MTDH: variants seen among roughly 807,000 people sequenced by gnomAD.
MTDH encodes protein LYRIC.
MTDH carries 34 observed loss-of-function variants against 72.7 expected under a neutral mutation model. The ratio of observed to expected loss-of-function variants is 0.47; its 90% CI spans 0.36 to 0.62. MTDH has a LOEUF of 0.62. MTDH is among the 20% of genes least tolerant of loss of function. The pLI, the probability that MTDH is intolerant of heterozygous loss-of-function variation, is 0.00. For missense variants in MTDH, 677 were observed against 699.4 expected, an observed-to-expected ratio of 0.97 and a Z score of 0.36; for synonymous variants, 266 against 268.9, an observed-to-expected ratio of 0.99 and a Z score of 0.10.
intron 7 of MTDH, among the ~76,000 whole-genome samples, chr8:97,701,229 G>C (rs1197845761): frequency 6.6e-6 from 1 of 152,066 alleles, no homozygotes; most frequent in Non-Finnish European, 1.5e-5. Flanking sequence ...ATCCATGGGG[G>C]GTTGATTCCA....
At position 97,691,703 on chromosome 8, in the gene MTDH, T is replaced by TTGTG. The variant is rs139784203; in HGVS notation, c.1048+531_1048+534dup. Among the ~76,000 whole-genome samples the TTGTG allele has an allele frequency of 1.6e-3, 233 of 149,730 alleles. 1 individual carries two copies. Among genetic ancestry groups the TTGTG allele is most frequent in the African/African-American group, 4.7e-3 (193 of 40,928 alleles). On this transcript the variant is annotated intron_variant, in intron 6 of 11. Coordinates refer to ENST00000336273, the MANE Select transcript of MTDH (RefSeq NM_178812.4). Reference sequence around the variant, plus strand: ...CAGCTTAATTTGTGTGTGTGTGTGTTTGTGTGTGTGTGTGTGTGTATTATA... The same window carrying TTGTG: ...CAGCTTAATTTGTGTGTGTGTGTGTTTGTGTGTGTGTGTGTGTGTGTGTATTATA...
chr8:97,724,400 C>G (rs567612750), intron 11 of MTDH, among the ~76,000 whole-genome samples, 200 bp from the exon 12 acceptor site: 1 of 151,898 alleles, frequency 6.6e-6, no homozygotes, highest in African/African-American at 2.4e-5. Flanking sequence ...TATAGTTCAA[C>G]CTAATAATAC....
chr8:97,659,353 A>C (rs1368443671), intron 1 of MTDH, among the ~76,000 whole-genome samples: 1 of 152,176 alleles, frequency 6.6e-6, no homozygotes, highest in Non-Finnish European at 1.5e-5. Flanking sequence ...GCATAGAAGA[A>C]AGAAAACCAA....
intron 8 of MTDH, among the ~76,000 whole-genome samples, chr8:97,708,062 G>C (rs1032689785): frequency 1.3e-5 from 2 of 151,466 alleles, no homozygotes; most frequent in African/African-American, 4.9e-5. Flanking sequence ...TCTGCCTCCT[G>C]AGTTCAAGCA....
At chr8:97,676,294 G>T (rs2130970306) in intron 2 of MTDH, among the ~76,000 whole-genome samples, 1 of 152,068 alleles carries the variant, frequency 6.6e-6, no homozygotes, top group South Asian at 2.1e-4. Context: ...TTTGTCTCTG[G>T]GATGTAGAAA....
At chr8:97,724,488 T>C (rs1683384445) in intron 11 of MTDH, 112 bp from the exon 12 acceptor site, 1 of 706,096 alleles carries the variant, frequency 1.4e-6, no homozygotes, top group South Asian at 2.3e-5. Flanking sequence ...AAACATAAAA[T>C]TTGAGTATTT....
chr8:97,669,117 A>C (rs1812503975), intron 2 of MTDH, among the ~76,000 whole-genome samples: 1 of 152,188 alleles, frequency 6.6e-6, no homozygotes, highest in Non-Finnish European at 1.5e-5. Context: ...TGTGTGATTT[A>C]AATGTTTTCA....
At chr8:97,658,777 A>G (rs1433459814) in intron 1 of MTDH, among the ~76,000 whole-genome samples, 1 of 152,212 alleles carries the variant, frequency 6.6e-6, no homozygotes, top group African/African-American at 2.4e-5. Flanking sequence ...AAGTGTGGCC[A>G]CAAGAAAATC....
chr8:97,645,111 A>T (rs1390916633), intron 1 of MTDH, among the ~76,000 whole-genome samples: 2 of 152,164 alleles, frequency 1.3e-5, no homozygotes, highest in Non-Finnish European at 2.9e-5. Context: ...GTTTCGAGGA[A>T]GGAAGTTAGG....
chr8:97,702,007 T>C (rs996637617), intron 7 of MTDH, among the ~76,000 whole-genome samples: 4 of 152,250 alleles, frequency 2.6e-5, no homozygotes, highest in Non-Finnish European at 4.4e-5. Context: ...GTCACCATCT[T>C]TAATGCAGCT....
chr8:97,726,767 G>A lies in MTDH; in HGVS notation c.*2097G>A, dbSNP rs1465756968. On this transcript the variant is annotated 3_prime_UTR_variant, in exon 12 of 12. Transcript: ENST00000336273. ...CTTTATGGCTCAAGAGCTAGGACTT[G>A]GATTTTGTTTTAAGAGATGGCAGCT... The A allele has an allele frequency of 6.6e-6, 1 of 152,186 alleles. No individual in the cohort carries two copies. Among genetic ancestry groups the A allele is most frequent in the Non-Finnish European group, 1.5e-5 (1 of 68,088 alleles). 9.4% of individuals were successfully genotyped at this position (152,186 alleles called of 1,614,324 possible). A position where few individuals can be genotyped will look rare whatever the true frequency, so the allele number is the denominator to read the frequency against.
chr8:97,688,505 C>T (rs1813454313), intron 4 of MTDH, among the ~76,000 whole-genome samples: 1 of 152,174 alleles, frequency 6.6e-6, no homozygotes, highest in Non-Finnish European at 1.5e-5. Flanking sequence ...AATCCTATGT[C>T]ATGCTGGTTT....
At chr8:97,668,780 C>G (rs1207903479) in intron 2 of MTDH, among the ~76,000 whole-genome samples, 2 of 152,150 alleles carry the variant, frequency 1.3e-5, no homozygotes, top group East Asian at 1.9e-4. Flanking sequence ...GTCTCGAACT[C>G]CTGACCTCAA....
At chr8:97,722,693 T>C (rs1029102287) in intron 10 of MTDH, among the ~76,000 whole-genome samples, 186 bp from the exon 11 acceptor site, 1 of 152,230 alleles carries the variant, frequency 6.6e-6, no homozygotes, top group African/African-American at 2.4e-5. Flanking sequence ...CAACATATAT[T>C]CATAAATGTT....
intron 2 of MTDH, 32 bp from the exon 3 acceptor site, chr8:97,686,636 A>G (rs1813375313): frequency 7.1e-7 from 1 of 1,400,914 alleles, no homozygotes; most frequent in Admixed American, 2.3e-5. Flanking sequence ...AAACATAACA[A>G]AATATTAAGT....
intron 9 of MTDH, among the ~76,000 whole-genome samples, chr8:97,717,743 A>ATTGT (rs751913507): frequency 2.5e-4 from 37 of 150,674 alleles, no homozygotes; most frequent in Non-Finnish European, 2.2e-4. Context: ...TGTCCCTGAG[A>ATTGT]TTGTTTGTTT....
chr8:97,673,399 C>T (rs1812710360), intron 2 of MTDH, among the ~76,000 whole-genome samples: 1 of 152,134 alleles, frequency 6.6e-6, no homozygotes, highest in Admixed American at 6.5e-5. Flanking sequence ...TGGTTCACGC[C>T]TGTAATCCCA....
rs538237002 is a variant in MTDH at position 97,656,525 on chromosome 8, T to G, written c.382-4547T>G. Among the ~76,000 whole-genome samples the G allele has an allele frequency of 2.6e-5, 4 of 151,450 alleles. No individual in the cohort carries two copies. In the South Asian group the frequency reaches 8.4e-4, roughly 32 times the overall value. The stretch of plus-strand genomic sequence containing the variant: ...ACCATGTTGGCCAGGATGGTCTCGA[T>G]CTCTTGACCTCATGATCTGCCTGCC... On this transcript the variant is annotated intron_variant, in intron 1 of 11. Coordinates refer to ENST00000336273, the MANE Select transcript of MTDH (RefSeq NM_178812.4).
chr8:97,664,915 C>T (rs954158936), intron 2 of MTDH, among the ~76,000 whole-genome samples: 1 of 152,128 alleles, frequency 6.6e-6, no homozygotes, highest in Non-Finnish European at 1.5e-5. Context: ...CACGCACCAC[C>T]ACGCCCAGCT....
Sources: allele counts gnomAD v4.1 joint callset (sites outside exome capture counted in the v4.1 genomes callset), GRCh38; gene constraint gnomAD v4.1.1; transcripts MANE v1.5; gene names NCBI Gene and HGNC (gene_info 2026-07-23, HGNC 2026-07-21).